Variants in LPA observed in about 807,000 individuals in gnomAD.
LPA encodes the protein apolipoprotein(a).
In LPA, 199 loss-of-function variants were observed where a neutral mutation model predicts 197.9. The ratio of observed to expected loss-of-function variants is 1.01; its 90% confidence interval spans 0.90 to 1.13. The LOEUF (loss-of-function observed/expected upper bound fraction) is 1.13. Ranked by LOEUF, LPA falls within the 50% of genes most tolerant of loss-of-function variation. The pLI is 0.00. For synonymous variants in LPA, 715 were observed against 639.5 expected (o/e 1.12, Z -1.78); for missense variants, 1,853 against 1,785.8 (o/e 1.04, Z -0.68).
chr6:160,604,878 T>C (rs1779313444), intron 18 of LPA, among the ~76,000 whole-genome samples, 168 bp downstream of exon 18: 1 of 152,184 alleles, frequency 6.6e-6, no homozygotes, highest in Non-Finnish European at 1.5e-5. Flanking sequence ...AGATTAACAT[T>C]TGTCTTCTCT....
chr6:160,591,131 A>G, intron 22 of LPA, 30 bp from the exon 23 acceptor site: 3 of 1,612,170 alleles, frequency 1.9e-6, no homozygotes, highest in East Asian at 2.2e-5. Context: ...ACAGTTCACC[A>G]GAGATGGGAG....
rs1562354393 is a variant in LPA, at chr6:160,653,972, AT to A, written c.50-3476del. Among the ~76,000 whole-genome samples, 3 of 20,688 alleles carry A rather than the reference AT, an allele frequency of 1.5e-4. 1 individual carries two copies. In the East Asian group the frequency reaches 6.1e-3, roughly 42 times the overall value. 13.6% of individuals were successfully genotyped at this position (20,688 alleles called of 152,430 possible). On this transcript the variant is annotated intron_variant, in intron 1 of 38. Transcript: ENST00000316300. Reference sequence around the variant, plus strand: ...ATATTATATATAATATATATTATATATAATATATAATATATAATATATATTA... The same window carrying A: ...ATATTATATATAATATATATTATATAAATATATAATATATAATATATATTA...
intron 26 of LPA, among the ~76,000 whole-genome samples, chr6:160,582,004 C>T (rs1370219157): frequency 6.6e-6 from 1 of 152,068 alleles, no homozygotes; most frequent in Non-Finnish European, 1.5e-5. Context: ...TTTTCTTCTA[C>T]TTACATAGCA....
In LPA at chr6:160,548,632, A is replaced by G. The variant is rs761109781; in HGVS notation, c.5001T>C (p.Asn1667=). The change falls in exon 31 of 39, where the codon AAT becomes AAC. Residue 1667 remains asparagine, a synonymous_variant. Transcript: ENST00000316300. ...NDGLTMNYCR[N]PDADTGPWCF... is the part of the protein sequence containing the mutation. Reference sequence around the variant, plus strand: ...ACCAAGGGCCTGTATCGGCATCTGGATTCCTGCAGTAGTTCATTGTCAGGC... The same window carrying G: ...ACCAAGGGCCTGTATCGGCATCTGGGTTCCTGCAGTAGTTCATTGTCAGGC... The G allele has an allele frequency of 6.2e-7, 1 of 1,614,136 alleles. No individual in the cohort carries two copies. Among genetic ancestry groups the G allele is most frequent in the Admixed American group, 1.7e-5 (1 of 60,018 alleles).
chr6:160,604,906 G>T, intron 18 of LPA, 140 bp downstream of exon 18: 1 of 1,361,206 alleles, frequency 7.3e-7, no homozygotes, highest in Middle Eastern at 2.5e-4. Context: ...TTTGCTCAAA[G>T]ACAATGTTCC....
intron 16 of LPA, among the ~76,000 whole-genome samples, chr6:160,608,999 C>T (rs1779421451): frequency 6.6e-6 from 1 of 152,074 alleles, no homozygotes; most frequent in African/African-American, 2.4e-5. Context: ...TAAGACATAG[C>T]TTTTTACACT....
intron 28 of LPA, among the ~76,000 whole-genome samples, chr6:160,565,709 G>A (rs764482545): frequency 4.6e-5 from 7 of 152,256 alleles, no homozygotes; most frequent in Non-Finnish European, 1.0e-4. Flanking sequence ...GGCTTCAGAC[G>A]ATCTGTAATA....
chr6:160,577,691 C>T (rs568095406), intron 27 of LPA, among the ~76,000 whole-genome samples: 1 of 152,244 alleles, frequency 6.6e-6, no homozygotes, highest in South Asian at 2.1e-4. Context: ...TGCGCATTTC[C>T]CTAGACCATT....
chr6:160,567,503 G>C (rs1778478987), intron 28 of LPA, among the ~76,000 whole-genome samples: 1 of 151,992 alleles, frequency 6.6e-6, no homozygotes, highest in African/African-American at 2.4e-5. Context: ...CAGTGTGTAG[G>C]GGGAGATTTA....
At chr6:160,531,994 A>C in intron 38 of LPA, 104 bp from the exon 39 acceptor site, 1 of 1,345,294 alleles carries the variant, frequency 7.4e-7, no homozygotes, top group Non-Finnish European at 1.1e-6. Context: ...CCAGTAATTC[A>C]AATCAGAAAG....
intron 28 of LPA, among the ~76,000 whole-genome samples, chr6:160,576,398 A>ATACATATATATATATATATGTG (rs1562328015): frequency 1.8e-5 from 1 of 54,990 alleles, no homozygotes; most frequent in East Asian, 6.2e-4. Flanking sequence ...ATGTATATAT[A>ATACATATATATATATATATGTG]TATATATATA....
intron 27 of LPA, among the ~76,000 whole-genome samples, chr6:160,577,562 A>C (rs1445860116): frequency 6.6e-6 from 1 of 152,192 alleles, no homozygotes; most frequent in African/African-American, 2.4e-5. Flanking sequence ...CAGCTCCATC[A>C]TATGAATCTC....
chr6:160,569,176 C>A (rs1475738766), intron 28 of LPA, among the ~76,000 whole-genome samples: 1 of 152,206 alleles, frequency 6.6e-6, no homozygotes. Context: ...ATTGCCAAGA[C>A]AATCCTAAGC....
chr6:160,589,621 C>T lies in LPA; in HGVS notation c.3879G>A (p.Arg1293=), dbSNP rs758893863. ...TCATAGAGGACCAAGACTGACATGT[C>T]CTTCCTGTAACAGTGGTGGAGAATG... is the stretch of plus-strand genomic sequence containing the variant. ...RGSFSTTVTG[R]TCQSWSSMTP... The change falls in exon 24 of 39, where the codon AGG becomes AGA. Residue 1293 remains arginine (R), a synonymous_variant. Coordinates refer to ENST00000316300, the MANE Select transcript of LPA (RefSeq NM_005577.4). The T allele has an allele frequency of 4.3e-6, 7 of 1,613,848 alleles. No homozygotes were observed. Among genetic ancestry groups the T allele is most frequent in the African/African-American group, 4.0e-5 (3 of 74,906 alleles).
At chr6:160,541,036 G>C (rs2114998451) in intron 35 of LPA, 71 bp downstream of exon 35, 1 of 1,271,678 alleles carries the variant, frequency 7.9e-7, no homozygotes, top group South Asian at 1.2e-5. Context: ...GAAGAAAGAA[G>C]GGATGGAGGA....
chr6:160,660,564 T>C (rs905216264), intron 1 of LPA, among the ~76,000 whole-genome samples: 1 of 152,356 alleles, frequency 6.6e-6, no homozygotes, highest in Admixed American at 6.5e-5. Flanking sequence ...GTTGATCTGC[T>C]AATCCCTGTG....
At chr6:160,589,765 A>C (rs373783918) in intron 23 of LPA, 53 bp from the exon 24 acceptor site, 5 of 1,603,202 alleles carry the variant, frequency 3.1e-6, no homozygotes, top group African/African-American at 1.3e-5. Flanking sequence ...ACACAGAAGC[A>C]TGAGAAAAAA....
chr6:160,607,455 C>A (rs183176905), intron 16 of LPA, among the ~76,000 whole-genome samples: 9 of 152,200 alleles, frequency 5.9e-5, no homozygotes, highest in African/African-American at 2.2e-4. Flanking sequence ...CAGTGGGACC[C>A]ATGGCATAAA....
chr6:160,534,923 G>A (rs994889404), intron 37 of LPA, among the ~76,000 whole-genome samples: 9 of 151,828 alleles, frequency 5.9e-5, no homozygotes, highest in Non-Finnish European at 1.3e-4. Flanking sequence ...AATGGTGATA[G>A]TGATGGTGTT....
Sources: gnomAD v4.1 joint callset for allele counts (sites outside exome capture counted in the v4.1 genomes callset) on GRCh38, gnomAD v4.1.1 for gene constraint, MANE v1.5 for transcripts, NCBI Gene and HGNC (gene_info 2026-07-23, HGNC 2026-07-21) for gene names.